Variants in PHC2 observed in about 807,000 individuals in gnomAD.
The protein encoded by PHC2 is polyhomeotic-like protein 2.
In PHC2, 29 loss-of-function variants were observed where a neutral mutation model predicts 87.4. The ratio of observed to expected loss-of-function variants is 0.33; its 90% CI spans 0.25 to 0.45. PHC2 has a LOEUF of 0.45. Ranked by LOEUF, PHC2 falls within the 20% of genes least tolerant of loss-of-function variation. The probability of loss-of-function intolerance (pLI) is 1.00; values close to 1 mark genes in which losing one functional copy is unlikely to be tolerated. For synonymous variants in PHC2, 438 were observed against 461.7 expected (o/e 0.95, Z 0.66); for missense variants, 857 against 1,136.7 (o/e 0.75, Z 3.54).
At position 33,372,412 on chromosome 1, in the gene PHC2, C is replaced by T. The variant is rs372151966; in HGVS notation, c.210G>A (p.Thr70=). 31 of 1,598,524 alleles carry T rather than the reference C, an allele frequency of 1.9e-5. No individual in the cohort carries two copies. Among genetic ancestry groups the T allele is most frequent in the East Asian group, 1.4e-4 (6 of 44,182 alleles). The change falls in exon 3 of 15, where the codon ACG becomes ACA. Residue 70 remains threonine (T), a synonymous_variant. Transcript: ENST00000683057. ...IQQALHRQPS[T]AAQYLQQMYA... ...ACATCTGCTGCAGGTACTGAGCGGC[C>T]GTGCTGGGCTGTCTGTGCAGGGCCT... is the stretch of plus-strand genomic sequence containing the variant.
At chr1:33,367,825 A>G (rs1570490667) in intron 6 of PHC2, among the ~76,000 whole-genome samples, 2 of 152,278 alleles carry the variant, frequency 1.3e-5, no homozygotes, top group East Asian at 3.9e-4. Flanking sequence ...GGAAAAGGCC[A>G]GGGCAAAAGT....
chr1:33,370,893 G>T (rs963536276), intron 4 of PHC2, 124 bp downstream of exon 4: 7 of 827,264 alleles, frequency 8.5e-6, no homozygotes, highest in African/African-American at 6.7e-5. Context: ...TTTCTTCCCG[G>T]TAAGGGCAAT....
chr1:33,383,333 T>C (rs1164290963), intron 1 of PHC2, among the ~76,000 whole-genome samples: 3 of 152,214 alleles, frequency 2.0e-5, no homozygotes, highest in Non-Finnish European at 2.9e-5. Flanking sequence ...TTAGTGTCTC[T>C]AGAAACCAAA....
At chr1:33,416,584 G>GAAAAAAAAAAA (rs61591207) in intron 1 of PHC2, among the ~76,000 whole-genome samples, 10 of 115,756 alleles carry the variant, frequency 8.6e-5, no homozygotes, top group Non-Finnish European at 1.2e-4. Flanking sequence ...TCAAAAAAAA[G>GAAAAAAAAAAA]AAAAAAAAAA....
At chr1:33,379,951 C>A (rs1193275748) in intron 1 of PHC2, among the ~76,000 whole-genome samples, 2 of 152,294 alleles carry the variant, frequency 1.3e-5, no homozygotes, top group South Asian at 4.1e-4. Context: ...TAGTCTCCCC[C>A]TCCCTGAGCA....
intron 1 of PHC2, among the ~76,000 whole-genome samples, chr1:33,404,261 C>G (rs1026158253): frequency 6.6e-6 from 1 of 152,136 alleles, no homozygotes; most frequent in African/African-American, 2.4e-5. Flanking sequence ...GTTTTTCCAT[C>G]TATAGAATAA....
chr1:33,419,692 C>T (rs1250981174), intron 1 of PHC2, among the ~76,000 whole-genome samples: 1 of 152,220 alleles, frequency 6.6e-6, no homozygotes, highest in East Asian at 1.9e-4. Flanking sequence ...TCACTGCAAG[C>T]TCCACCTCCC....
intron 1 of PHC2, among the ~76,000 whole-genome samples, chr1:33,402,653 C>G (rs959337075): frequency 6.6e-5 from 10 of 151,992 alleles, no homozygotes; most frequent in Non-Finnish European, 4.4e-5. Context: ...TCAACACAGA[C>G]AAATCTCAAA....
intron 9 of PHC2, among the ~76,000 whole-genome samples, chr1:33,335,946 A>AT (rs1342924075): frequency 6.6e-6 from 1 of 151,774 alleles, no homozygotes; most frequent in African/African-American, 2.4e-5. Flanking sequence ...CTAGTTCATA[A>AT]TGGGTCTTGG....
Position 33,326,013 on chromosome 1 carries a change from T to C in PHC2, c.2426-994A>G, listed in dbSNP as rs548535709. The C allele has an allele frequency of 8.1e-5, 31 of 380,898 alleles. No homozygotes were observed. The East Asian group carries it at 2.2e-3, about 27-fold the overall frequency. The allele number at this position is 380,898 out of a possible 1,614,324, so 23.6% of individuals were successfully genotyped here. On this transcript the variant is annotated intron_variant, in intron 14 of 14. Transcript: ENST00000683057. Reference sequence around the variant, plus strand: ...TGGAGATTGGAAGAAACAGGGTCTCTGTTATGAAATAAAAGAACATTTTGT... The same window carrying C: ...TGGAGATTGGAAGAAACAGGGTCTCCGTTATGAAATAAAAGAACATTTTGT...
chr1:33,372,548 G>A (rs1387566130), intron 2 of PHC2, 101 bp from the exon 3 acceptor site: 3 of 1,040,114 alleles, frequency 2.9e-6, no homozygotes, highest in African/African-American at 3.5e-5. Flanking sequence ...ATAACTGCTC[G>A]GGAGACACCA....
At chr1:33,419,612 C>CT (rs909849642) in intron 1 of PHC2, among the ~76,000 whole-genome samples, 1 of 151,974 alleles carries the variant, frequency 6.6e-6, no homozygotes, top group South Asian at 2.1e-4. Context: ...GCCTCTCTCT[C>CT]TTTCTTATTT....
chr1:33,371,072 T>G lies in PHC2; in HGVS notation c.356A>C (p.Gln119Pro). ...CACATTGCTGCCTGAAGTGCTTCCT[T>G]GTCTATTGGATACCAGGCTTGCCTA... Reference protein sequence around the residue: ...VQQASLVSNRQGSTSGSNVSA... With the variant: ...VQQASLVSNRPGSTSGSNVSA... The change falls in exon 4 of 15, where the codon CAA becomes CCA. Residue 119 changes from glutamine to proline, a missense_variant. Physicochemically the swap from Gln to Pro is moderately conservative, Grantham distance 76. Transcript: ENST00000683057. 2.5e-6 allele frequency: 4 copies of G among 1,614,024 alleles called. No individual in the cohort carries two copies. The highest frequency in any genetic ancestry group is 2.5e-6 in the Non-Finnish European group (3 of 1,179,948).
Position 33,334,482 on chromosome 1 carries a change from G to C in PHC2, c.1559-190C>G, listed in dbSNP as rs953316525. Among the ~76,000 whole-genome samples the C allele has an allele frequency of 6.6e-6, 1 of 152,176 alleles. No homozygotes were observed. Among genetic ancestry groups the C allele is most frequent in the Non-Finnish European group, 1.5e-5 (1 of 68,042 alleles). On this transcript the variant is annotated intron_variant, in intron 9 of 14. Transcript: ENST00000683057. This position sits in a 1 kb window ranked among gnomAD's most constrained non-coding sequence, Gnocchi z 5.5. ...ACAGTTTCAATGGACACATCACCAAGTATGAGTATAGTCAGTTCCACAACA... is the reference window on the plus strand; with the variant it reads ...ACAGTTTCAATGGACACATCACCAACTATGAGTATAGTCAGTTCCACAACA...
intron 14 of PHC2, chr1:33,326,342 A>C (rs1646370206): frequency 6.3e-6 from 1 of 158,776 alleles, no homozygotes; most frequent in Admixed American, 6.3e-5. Flanking sequence ...TCTACAGATT[A>C]AACTTAGGAT....
chr1:33,346,965 A>G (rs1268856032), intron 9 of PHC2: 1 of 985,486 alleles, frequency 1.0e-6, no homozygotes, highest in Non-Finnish European at 1.2e-6. Context: ...AGAGCATACA[A>G]GGCCAGAGGT....
At chr1:33,353,837 G>A (rs1031626433) in intron 9 of PHC2, among the ~76,000 whole-genome samples, 8 of 152,194 alleles carry the variant, frequency 5.3e-5, no homozygotes, top group African/African-American at 1.7e-4. Context: ...AAGGGACCCA[G>A]CAGAGTCTCC....
At chr1:33,374,049 CCT>C (rs778721694) in intron 2 of PHC2, among the ~76,000 whole-genome samples, 4 of 152,156 alleles carry the variant, frequency 2.6e-5, no homozygotes, top group East Asian at 1.9e-4. Context: ...TCTCCGATAC[CCT>C]GTTTTATTTT....
intron 9 of PHC2, chr1:33,335,420 C>T (rs1646607374): frequency 7.6e-6 from 6 of 792,404 alleles, no homozygotes; most frequent in Admixed American, 6.2e-5. Flanking sequence ...ATAAAGCATA[C>T]CCCAGTGAGG....
Sources: gnomAD v4.1 joint callset for allele counts (sites outside exome capture counted in the v4.1 genomes callset) on GRCh38, gnomAD v4.1.1 for gene constraint, Gnocchi (gnomAD v3.1) non-coding constraint, MANE v1.5 for transcripts, NCBI Gene and HGNC (gene_info 2026-07-23, HGNC 2026-07-21) for gene names.